Variants in CBLB observed in about 807,000 individuals in gnomAD.
CBLB encodes Cbl proto-oncogene B, also known as E3 ubiquitin-protein ligase CBL-B.
In CBLB, 31 loss-of-function variants were observed where a neutral mutation model predicts 104.9. The ratio of observed to expected loss-of-function variants is 0.30; its 90% confidence interval spans 0.22 to 0.40. The LOEUF (loss-of-function observed/expected upper bound fraction) is 0.40, where lower values mean the gene tolerates loss of function less well. CBLB is among the 10% of genes least tolerant of loss of function. CBLB has a pLI of 1.00. For synonymous variants in CBLB, 440 were observed against 422.6 expected (o/e 1.04, Z -0.51); for missense variants, 1,062 against 1,214.6 (o/e 0.87, Z 1.87).
intron 3 of CBLB, among the ~76,000 whole-genome samples, chr3:105,843,861 C>CGGAA (rs1213005484): frequency 6.6e-6 from 1 of 152,066 alleles, no homozygotes; most frequent in East Asian, 1.9e-4. Context: ...AACTTTCTTC[C>CGGAA]CCTCCTTAGT....
chr3:105,849,217 G>A (rs1304521697), intron 3 of CBLB, among the ~76,000 whole-genome samples: 1 of 152,126 alleles, frequency 6.6e-6, no homozygotes, highest in Non-Finnish European at 1.5e-5. Flanking sequence ...TTATGTGCCT[G>A]TTATGGTGTA....
intron 1 of CBLB, 98 bp downstream of exon 1, chr3:105,868,638 G>A (rs1578053243): frequency 2.5e-6 from 2 of 803,040 alleles, no homozygotes; most frequent in African/African-American, 3.7e-5. Flanking sequence ...TGAGAGCCAG[G>A]GCTGTCCCCT....
At chr3:105,689,098 T>C (rs1261394355) in intron 13 of CBLB, among the ~76,000 whole-genome samples, 3 of 152,094 alleles carry the variant, frequency 2.0e-5, no homozygotes, top group African/African-American at 7.2e-5. Flanking sequence ...CTGCTTATTT[T>C]TCCTCCTAGC....
chr3:105,673,664 T>A (rs550471540), intron 17 of CBLB: 1 of 152,252 alleles, frequency 6.6e-6, no homozygotes, highest in Non-Finnish European at 1.5e-5. Flanking sequence ...TATGTAATGA[T>A]CTACCATTGG....
At position 105,859,390 on chromosome 3, in the gene CBLB, G is replaced by A. The variant is rs970972769; in HGVS notation, c.169-5726C>T. Among the ~76,000 whole-genome samples, 3 of 152,160 alleles carry A rather than the reference G, an allele frequency of 2.0e-5. 1 individual carries two copies. Among genetic ancestry groups the A allele is most frequent in the Non-Finnish European group, 2.9e-5 (2 of 68,022 alleles). On this transcript the variant is annotated intron_variant, in intron 2 of 18. Coordinates refer to ENST00000394030, the MANE Select transcript of CBLB (RefSeq NM_170662.5). The stretch of plus-strand genomic sequence containing the variant: ...CCCTGGGCTAGGCGCGGTGGCTCAC[G>A]CCTGTAATCCCAGCACTTTGGGAGG...
intron 3 of CBLB, among the ~76,000 whole-genome samples, chr3:105,843,273 T>A (rs1394788639): frequency 1.3e-5 from 2 of 152,236 alleles, no homozygotes; most frequent in African/African-American, 4.8e-5. Flanking sequence ...AAAATTTGAA[T>A]TGAAATCATG....
Position 105,818,760 on chromosome 3 carries a change from T to C in CBLB, c.419+34654A>G, listed in dbSNP as rs147012188. ...GCATACAGATGTTCAGAAAAATAGA[T>C]TGTGAAGATTAGTTTTATGCAAAAT... is the stretch of plus-strand genomic sequence containing the variant. On this transcript the variant is annotated intron_variant, in intron 3 of 18. Coordinates refer to ENST00000394030, the MANE Select transcript of CBLB (RefSeq NM_170662.5). Among the ~76,000 whole-genome samples the C allele has an allele frequency of 5.3e-4, 80 of 152,212 alleles. No homozygotes were observed. The East Asian group carries it at 0.014, about 27-fold the overall frequency.
intron 2 of CBLB, among the ~76,000 whole-genome samples, chr3:105,856,348 C>CAAAAAA (rs1169479720): frequency 6.2e-3 from 184 of 29,658 alleles, no homozygotes; most frequent in Middle Eastern, 0.026. Context: ...GACTCCATCT[C>CAAAAAA]AAAAAAAAAA....
chr3:105,832,752 A>G (rs2087760071), intron 3 of CBLB, among the ~76,000 whole-genome samples: 1 of 152,226 alleles, frequency 6.6e-6, no homozygotes, highest in Non-Finnish European at 1.5e-5. Context: ...GCTCAAGATG[A>G]GTGCATTATC....
chr3:105,689,164 C>T (rs1246668406), intron 13 of CBLB, among the ~76,000 whole-genome samples: 1 of 152,010 alleles, frequency 6.6e-6, no homozygotes, highest in African/African-American at 2.4e-5. Flanking sequence ...TCTCTTCTCC[C>T]TAACTAGAGC....
chr3:105,780,291 C>T (rs189123348), intron 3 of CBLB, among the ~76,000 whole-genome samples: 51 of 152,140 alleles, frequency 3.4e-4, no homozygotes, highest in Admixed American at 2.7e-3. Flanking sequence ...TTTTCTATTA[C>T]GTAATTTTTC....
intron 2 of CBLB, among the ~76,000 whole-genome samples, chr3:105,861,424 T>C (rs1465845772): frequency 6.6e-6 from 1 of 152,238 alleles, no homozygotes; most frequent in South Asian, 2.1e-4. Flanking sequence ...CAACCCAATA[T>C]AAAATTTACA....
rs376269614 is a variant in CBLB, at chr3:105,727,013, AC to A, written c.1204-6764del. On this transcript the variant is annotated intron_variant, in intron 9 of 18. Coordinates refer to ENST00000394030, the MANE Select transcript of CBLB (RefSeq NM_170662.5). ...TTGTGAACAGTGCTACAATAAACAT[AC>A]ATGTGAATGTGTCTTTTTAGGACAA... Among the ~76,000 whole-genome samples the A allele has an allele frequency of 1.1e-3, 166 of 152,324 alleles. 1 individual carries two copies. The highest frequency in any genetic ancestry group is 2.9e-3 in the Admixed American group (44 of 15,306).
At chr3:105,724,973 T>G (rs922811613) in intron 9 of CBLB, among the ~76,000 whole-genome samples, 9 of 152,176 alleles carry the variant, frequency 5.9e-5, no homozygotes, top group Admixed American at 5.9e-4. Context: ...ATTTCAACAC[T>G]ACACTATAGG....
chr3:105,771,285 T>C (rs2078847816), intron 4 of CBLB, among the ~76,000 whole-genome samples: 1 of 152,086 alleles, frequency 6.6e-6, no homozygotes, highest in African/African-American at 2.4e-5. Flanking sequence ...ATTTTAAAAA[T>C]ATATATAATC....
intron 18 of CBLB, among the ~76,000 whole-genome samples, chr3:105,664,510 A>C (rs1033558235): frequency 2.0e-5 from 3 of 152,162 alleles, no homozygotes; most frequent in Non-Finnish European, 2.9e-5. Flanking sequence ...AAATGGCAAT[A>C]ATGTTCCTTA....
intron 18 of CBLB, among the ~76,000 whole-genome samples, chr3:105,662,345 A>G (rs578105310): frequency 2.6e-5 from 4 of 152,332 alleles, no homozygotes; most frequent in Middle Eastern, 3.4e-3. Flanking sequence ...AGATTATTAT[A>G]TTGCAGTTTG....
At chr3:105,773,519 AG>A (rs1218795828) in intron 4 of CBLB, among the ~76,000 whole-genome samples, 1 of 152,220 alleles carries the variant, frequency 6.6e-6, no homozygotes, top group East Asian at 1.9e-4. Flanking sequence ...AATGTCAAAA[AG>A]TACTTAAATG....
intron 4 of CBLB, among the ~76,000 whole-genome samples, chr3:105,765,936 T>C (rs1434335272): frequency 1.3e-5 from 2 of 152,174 alleles, no homozygotes; most frequent in African/African-American, 2.4e-5. Flanking sequence ...ATAGCTGTCA[T>C]ATATTGTGAT....
Sources: gnomAD v4.1 joint callset for allele counts (sites outside exome capture counted in the v4.1 genomes callset) on GRCh38, gnomAD v4.1.1 for gene constraint, MANE v1.5 for transcripts, NCBI Gene and HGNC (gene_info 2026-07-23, HGNC 2026-07-21) for gene names.